Variants in FOXN3 observed in about 807,000 individuals in gnomAD.
The protein encoded by FOXN3 is forkhead box protein N3.
Under a neutral mutation model 38.4 loss-of-function variants are expected in FOXN3, and 7 were observed. That is an observed-to-expected ratio of 0.18 (90% confidence interval 0.10 to 0.34). The LOEUF (loss-of-function observed/expected upper bound fraction) is 0.34, where lower values mean the gene tolerates loss of function less well. Ranked by LOEUF, FOXN3 falls within the 10% of genes least tolerant of loss-of-function variation. FOXN3 has a pLI of 1.00. For synonymous variants in FOXN3, 230 were observed against 242.2 expected (o/e 0.95, Z 0.47); for missense variants, 456 against 613.4 (o/e 0.74, Z 2.71).
chr14:89,343,586 C>G (rs920051550), intron 3 of FOXN3, among the ~76,000 whole-genome samples: 3 of 147,596 alleles, frequency 2.0e-5, no homozygotes, highest in African/African-American at 7.4e-5. Flanking sequence ...ACCTCAATAT[C>G]AGAAAGGCCA....
At chr14:89,501,856 C>T (rs989500045) in intron 1 of FOXN3, among the ~76,000 whole-genome samples, 1 of 151,354 alleles carries the variant, frequency 6.6e-6, no homozygotes, top group Admixed American at 6.6e-5. Flanking sequence ...CTCAAAAAAA[C>T]AAACAAACAA....
intron 1 of FOXN3, among the ~76,000 whole-genome samples, chr14:89,618,515 A>C (rs1896534936): frequency 6.6e-6 from 1 of 152,192 alleles, no homozygotes; most frequent in Admixed American, 6.5e-5. Flanking sequence ...AACTGCCCAT[A>C]GATTTGACAC....
At chr14:89,414,125 G>A (rs1486357274) in intron 1 of FOXN3, among the ~76,000 whole-genome samples, 1 of 152,002 alleles carries the variant, frequency 6.6e-6, no homozygotes, top group East Asian at 1.9e-4. Context: ...GACCAGCCTG[G>A]CCAACATGGT....
chr14:89,404,564 G>T (rs1331729001), intron 2 of FOXN3, among the ~76,000 whole-genome samples: 2 of 149,322 alleles, frequency 1.3e-5, no homozygotes, highest in Non-Finnish European at 3.0e-5. Flanking sequence ...GCGCTTTCTT[G>T]GGATCACAGG....
chr14:89,247,011 C>G (rs1885318688), intron 4 of FOXN3, among the ~76,000 whole-genome samples: 4 of 152,118 alleles, frequency 2.6e-5, no homozygotes, highest in African/African-American at 9.7e-5. Flanking sequence ...CTCCCTCTTT[C>G]CTTTCTTTCT....
chr14:89,577,176 A>G (rs955608712), intron 1 of FOXN3: 1 of 152,290 alleles, frequency 6.6e-6, no homozygotes, highest in Non-Finnish European at 1.5e-5. Flanking sequence ...CTGGGGTGCG[A>G]GTGAATGCCT....
chr14:89,222,568 C>G (rs1884500465), intron 4 of FOXN3, among the ~76,000 whole-genome samples: 1 of 152,060 alleles, frequency 6.6e-6, no homozygotes, highest in African/African-American at 2.4e-5. Context: ...TTACAAATGA[C>G]TATAAAAAGG....
intron 4 of FOXN3, among the ~76,000 whole-genome samples, chr14:89,228,048 T>G (rs903898392): frequency 3.9e-5 from 6 of 152,176 alleles, no homozygotes; most frequent in African/African-American, 1.4e-4. Flanking sequence ...CCAGGGAGAC[T>G]GTTACTCACT....
chr14:89,212,879 A>G (rs1286902803), intron 4 of FOXN3, among the ~76,000 whole-genome samples: 1 of 152,142 alleles, frequency 6.6e-6, no homozygotes, highest in African/African-American at 2.4e-5. Context: ...GCTAAGGAGC[A>G]GTTACTTTCT....
rs1434712219 is a variant in FOXN3, at chr14:89,416,997, G to C, written c.-141C>G. The C allele has an allele frequency of 6.9e-6, 1 of 145,982 alleles. No homozygotes were observed. The highest frequency in any genetic ancestry group is 6.8e-5 in the Admixed American group (1 of 14,712). 9.0% of individuals were successfully genotyped at this position (145,982 alleles called of 1,614,324 possible). A position where few individuals can be genotyped will look rare whatever the true frequency, so the allele number is the denominator to read the frequency against. ...TAAGGACGCGCGGGCGCGGCGCGGC[G>C]AGCCCGGGGCGGCGGGCGGCGGGGG... On this transcript the variant is annotated 5_prime_UTR_variant, in exon 1 of 6. Coordinates refer to ENST00000557258, the MANE Select transcript of FOXN3 (RefSeq NM_005197.4).
At chr14:89,197,140 G>A (rs1156847751) in intron 4 of FOXN3, among the ~76,000 whole-genome samples, 1 of 152,076 alleles carries the variant, frequency 6.6e-6, no homozygotes, top group Non-Finnish European at 1.5e-5. Context: ...CTGAATAAAA[G>A]AAATTCAAGA....
At chr14:89,354,556 A>AAAG (rs1440939748) in intron 2 of FOXN3, among the ~76,000 whole-genome samples, 2 of 149,484 alleles carry the variant, frequency 1.3e-5, no homozygotes, top group African/African-American at 4.9e-5. Flanking sequence ...AAAAAAAAAA[A>AAAG]AAAAAGAAAA....
chr14:89,405,401 T>C (rs1411455600), intron 2 of FOXN3, among the ~76,000 whole-genome samples: 1 of 152,094 alleles, frequency 6.6e-6, no homozygotes, highest in East Asian at 1.9e-4. Flanking sequence ...CCTCCTAAAG[T>C]GTGGGATTAC....
chr14:89,285,047 C>T (rs1886579130), intron 3 of FOXN3, among the ~76,000 whole-genome samples: 1 of 152,184 alleles, frequency 6.6e-6, no homozygotes, highest in African/African-American at 2.4e-5. Flanking sequence ...GTTCTCTATA[C>T]CCAGGAACCT....
At chr14:89,171,023 T>C (rs1302054374) in intron 5 of FOXN3, among the ~76,000 whole-genome samples, 1 of 151,252 alleles carries the variant, frequency 6.6e-6, no homozygotes, top group Non-Finnish European at 1.5e-5. Context: ...GAATAGAGAA[T>C]AAATGCAAAG....
intron 1 of FOXN3, among the ~76,000 whole-genome samples, chr14:89,606,423 A>G (rs1292602675): frequency 1.3e-5 from 2 of 152,220 alleles, no homozygotes; most frequent in Non-Finnish European, 2.9e-5. Context: ...CCAAAATTTG[A>G]TAAGATCAAG....
chr14:89,528,428 C>CTTTTTTTTT (rs1894480076), intron 1 of FOXN3, among the ~76,000 whole-genome samples: 2 of 68,364 alleles, frequency 2.9e-5, no homozygotes, highest in Non-Finnish European at 5.5e-5. Context: ...AAGAGTTTTG[C>CTTTTTTTTT]TCTTGTTGCC....
intron 1 of FOXN3, among the ~76,000 whole-genome samples, chr14:89,429,874 G>A (rs1166593942): frequency 6.6e-6 from 1 of 152,172 alleles, no homozygotes; most frequent in Non-Finnish European, 1.5e-5. Flanking sequence ...TTTAAACACA[G>A]ACATCGCTGG....
intron 1 of FOXN3, among the ~76,000 whole-genome samples, chr14:89,569,012 G>A (rs886539421): frequency 2.1e-4 from 32 of 152,178 alleles, no homozygotes; most frequent in African/African-American, 3.6e-4. Context: ...AGACCAACCC[G>A]GCTAACACGG....
Sources: gnomAD v4.1 joint callset for allele counts (sites outside exome capture counted in the v4.1 genomes callset) on GRCh38, gnomAD v4.1.1 for gene constraint, MANE v1.5 for transcripts, NCBI Gene and HGNC (gene_info 2026-07-23, HGNC 2026-07-21) for gene names.